CCT8: variants seen among roughly 807,000 people sequenced by gnomAD.
CCT8 encodes T-complex protein 1 subunit theta.
A neutral mutation model predicts 65.7 loss-of-function variants in CCT8; 10 were observed. That is an observed-to-expected ratio of 0.15 (90% CI 0.09 to 0.26). CCT8 has a LOEUF of 0.26. Ranked by LOEUF, CCT8 falls within the 10% of genes least tolerant of loss-of-function variation. CCT8 has a pLI of 1.00. For missense variants in CCT8, 568 were observed against 669.1 expected, an observed-to-expected ratio of 0.85 and a Z score of 1.67; for synonymous variants, 199 against 221.8, an observed-to-expected ratio of 0.90 and a Z score of 0.92.
chr21:29,073,499 C>T (rs1164492164), intron 1 of CCT8, 32 bp downstream of exon 1: 10 of 1,613,970 alleles, frequency 6.2e-6, no homozygotes, highest in Non-Finnish European at 7.6e-6. Context: ...TATGCTGACG[C>T]TCCCACCTCA....
intron 8 of CCT8, chr21:29,062,809 A>G: frequency 4.0e-6 from 2 of 502,914 alleles, no homozygotes; most frequent in Non-Finnish European, 7.0e-6. Flanking sequence ...TAGAATTGGG[A>G]GAATGGAAGT....
intron 1 of CCT8, chr21:29,071,875 A>G: frequency 1.4e-6 from 1 of 694,206 alleles, no homozygotes; most frequent in Non-Finnish European, 2.6e-6. Flanking sequence ...CCAGCTTAGG[A>G]TAAAATGCAA....
rs2085705126 is a variant in CCT8 at position 29,073,356 on chromosome 21, GC to G, written c.60+174del. The G allele has an allele frequency of 3.5e-6, 5 of 1,426,604 alleles. No homozygotes were observed. The South Asian group carries it at 5.9e-5, about 17-fold the overall frequency. The allele number at this position is 1,426,604 out of a possible 1,614,324, so 88.4% of individuals were successfully genotyped here. A position where few individuals can be genotyped will look rare whatever the true frequency, so the allele number is the denominator to read the frequency against. Reference sequence around the variant, plus strand: ...CGGTCGCGGAAGAAGAGAAGTGCCCGCAGGCTCCGGTGGCCGAGCCCTTCCA... The same window carrying G: ...CGGTCGCGGAAGAAGAGAAGTGCCCGAGGCTCCGGTGGCCGAGCCCTTCCA... On this transcript the variant is annotated intron_variant, in intron 1 of 14. Coordinates refer to ENST00000286788, the MANE Select transcript of CCT8 (RefSeq NM_006585.4).
chr21:29,057,799 T>C (rs2085519962), intron 14 of CCT8, among the ~76,000 whole-genome samples: 1 of 149,220 alleles, frequency 6.7e-6, no homozygotes, highest in Admixed American at 6.7e-5. Context: ...GTATGATATA[T>C]ACATATGTAT....
In CCT8 at chr21:29,062,445, T is replaced by G. The variant is rs199996167; in HGVS notation, c.1009-30A>C. On this transcript the variant is annotated intron_variant, in intron 9 of 14. Transcript: ENST00000286788. ...AAGAAAGTGACTGTTGTAATAAAAA[T>G]TCCATCTTGTTCAACTATCTTTTAG... 192 of 1,611,362 alleles carry G rather than the reference T, an allele frequency of 1.2e-4. 1 individual carries two copies. Among genetic ancestry groups the G allele is most frequent in the Non-Finnish European group, 1.5e-4 (171 of 1,177,646 alleles).
Position 29,057,784 on chromosome 21 carries a change from G to A in CCT8, c.1570-1232C>T, listed in dbSNP as rs927756434. Among the ~76,000 whole-genome samples, 3 of 136,024 alleles carry A rather than the reference G, an allele frequency of 2.2e-5. No individual in the cohort carries two copies. The South Asian group carries it at 6.6e-4, about 30-fold the overall frequency. 89.2% of individuals were successfully genotyped at this position (136,024 alleles called of 152,430 possible). A position where few individuals can be genotyped will look rare whatever the true frequency, so the allele number is the denominator to read the frequency against. ...TATGAGATATATATGATATATATGA[G>A]ATATGTATGATATATACATATGTAT... On this transcript the variant is annotated intron_variant, in intron 14 of 14. Coordinates refer to ENST00000286788, the MANE Select transcript of CCT8 (RefSeq NM_006585.4).
rs1315040370 is a variant in CCT8, at chr21:29,070,295, C to T, written c.103G>A (p.Ala35Thr). Residue 35 changes from alanine to threonine, a missense_variant, in exon 2 of 15, where the codon GCT (alanine) becomes ACT (threonine). Physicochemically the swap from Ala to Thr is moderately conservative, Grantham distance 58. Transcript: ENST00000286788. ...GTGGTTTGGGCAAGCTCCTTGCAAG[C>T]TTGTATGTTTCTATACACAGCCTCT... ...LEEAVYRNIQ[A>T]CKELAQTTRT... is the part of the protein sequence containing the mutation. 1.9e-6 allele frequency: 3 copies of T among 1,612,364 alleles called. No homozygotes were observed. The highest frequency in any genetic ancestry group is 4.5e-5 in the East Asian group (2 of 44,818).
At chr21:29,062,593 T>G in intron 8 of CCT8, 37 bp from the exon 9 acceptor site, 1 of 1,540,620 alleles carries the variant, frequency 6.5e-7, no homozygotes, top group Non-Finnish European at 8.9e-7. Context: ...AAAGTTTTAA[T>G]CAATTTCAGA....
At chr21:29,071,043 T>TAAA (rs1050027311) in intron 1 of CCT8, among the ~76,000 whole-genome samples, 1 of 152,222 alleles carries the variant, frequency 6.6e-6, no homozygotes, top group African/African-American at 2.4e-5. Context: ...TGGACTTTTT[T>TAAA]AGAGTTGAGG....
intron 6 of CCT8, among the ~76,000 whole-genome samples, chr21:29,066,042 A>G (rs1026722868): frequency 6.7e-6 from 1 of 149,690 alleles, no homozygotes; most frequent in Non-Finnish European, 1.5e-5. Flanking sequence ...AGGTCGAGGC[A>G]CTGCACTCCA....
At chr21:29,064,917 A>T (rs762175370) in intron 7 of CCT8, 51 bp downstream of exon 7, 1 of 1,557,434 alleles carries the variant, frequency 6.4e-7, no homozygotes, top group African/African-American at 1.4e-5. Flanking sequence ...AACTCAAACA[A>T]TCTGAAAGTG....
intron 1 of CCT8, chr21:29,072,170 A>T (rs2085688151): frequency 1.8e-6 from 1 of 570,254 alleles, no homozygotes; most frequent in Admixed American, 3.2e-5. Context: ...CTAAACGTCT[A>T]AGTGTTCTGT....
At chr21:29,072,184 TTCCTGA>T (rs2085688379) in intron 1 of CCT8, 2 of 505,340 alleles carry the variant, frequency 4.0e-6, no homozygotes, top group Admixed American at 7.3e-5. Flanking sequence ...GTTCTGTCTA[TTCCTGA>T]TCCTTCTTTT....
At chr21:29,062,080 C>A in intron 11 of CCT8, 48 bp downstream of exon 11, 1 of 1,256,114 alleles carries the variant, frequency 8.0e-7, no homozygotes. Flanking sequence ...TAAGACCATA[C>A]AAATTACTCA....
At position 29,061,136 on chromosome 21, in the gene CCT8, T is replaced by A. The variant is rs773873884; in HGVS notation, c.1449+117A>T. The A allele has an allele frequency of 2.3e-4, 189 of 835,944 alleles. 3 individuals carry two copies. The highest frequency in any genetic ancestry group is 2.3e-4 in the Middle Eastern group (1 of 4,342). The allele number at this position is 835,944 out of a possible 1,614,324, so 51.8% of individuals were successfully genotyped here. A position where few individuals can be genotyped will look rare whatever the true frequency, so the allele number is the denominator to read the frequency against. ...ACAACCTATGTAAAAACTAAGAAAA[T>A]AATCTGCTCCCAAATCAGAACACTG... On this transcript the variant is annotated intron_variant, in intron 13 of 14. Coordinates refer to ENST00000286788, the MANE Select transcript of CCT8 (RefSeq NM_006585.4).
intron 14 of CCT8, among the ~76,000 whole-genome samples, chr21:29,059,002 CT>C (rs1314979444): frequency 1.3e-5 from 2 of 152,156 alleles, no homozygotes; most frequent in Non-Finnish European, 2.9e-5. Flanking sequence ...CAGCCTTCAA[CT>C]CCTGGGCTCA....
intron 8 of CCT8, chr21:29,062,850 A>G: frequency 2.3e-6 from 1 of 429,094 alleles, no homozygotes; most frequent in Non-Finnish European, 4.1e-6. Flanking sequence ...TTATAGTTCT[A>G]AAACACCAGA....
intron 1 of CCT8, chr21:29,073,222 G>C (rs1045447988): frequency 2.5e-6 from 3 of 1,214,750 alleles, no homozygotes; most frequent in Non-Finnish European, 3.1e-6. Flanking sequence ...TAAGGGTGAC[G>C]GGCCTTAGCC....
intron 6 of CCT8, among the ~76,000 whole-genome samples, chr21:29,065,708 A>G (rs542676545): frequency 1.3e-5 from 2 of 152,358 alleles, no homozygotes; most frequent in African/African-American, 4.8e-5. Flanking sequence ...ATTATTGAAG[A>G]GGAATAGGAC....
Sources: gnomAD v4.1 joint callset for allele counts (sites outside exome capture counted in the v4.1 genomes callset) on GRCh38, gnomAD v4.1.1 for gene constraint, MANE v1.5 for transcripts, NCBI Gene and HGNC (gene_info 2026-07-23, HGNC 2026-07-21) for gene names.